The following B4GALNT4 variants were observed in gnomAD, a reference collection of about 807,000 sequenced individuals.
B4GALNT4 encodes the protein beta-1,4-N-acetyl-galactosaminyltransferase 4.
In B4GALNT4, 77 loss-of-function variants were observed where a neutral mutation model predicts 110.0. That is an observed-to-expected ratio of 0.70 (90% CI 0.58 to 0.85). The LOEUF (loss-of-function observed/expected upper bound fraction) is 0.85. B4GALNT4 is among the 40% of genes least tolerant of loss of function. B4GALNT4 has a pLI of 0.00. For synonymous variants in B4GALNT4, 785 were observed against 655.5 expected, an observed-to-expected ratio of 1.20 and a Z score of -3.02; for missense variants, 1,575 against 1,506.0, an observed-to-expected ratio of 1.05 and a Z score of -0.76.
rs111923628 is a variant in B4GALNT4 at position 372,144 on chromosome 11, G to A, written c.187G>A (p.Gly63Arg). 1 of 1,549,858 alleles carries A rather than the reference G, an allele frequency of 6.5e-7. No homozygotes were observed. Among genetic ancestry groups the A allele is most frequent in the South Asian group, 1.2e-5 (1 of 84,032 alleles). Residue 63 changes from glycine (G) to arginine (R), a missense_variant, in exon 2 of 20, where the codon GGG (glycine) becomes AGG (arginine). Transcript: ENST00000329962. ...EKLTSETDGR[G>R]VHAAPSTQRA... ...GCTGACCAGTGAGACCGACGGCCGGGGGGTCCACGCTGCGCCATCCACACA... is the reference window on the plus strand; with the variant it reads ...GCTGACCAGTGAGACCGACGGCCGGAGGGTCCACGCTGCGCCATCCACACA...
chr11:370,270 G>GGCTGACGGTGGGCTCCTGGGGAAGTCTCT (rs1846594088), intron 1 of B4GALNT4, among the ~76,000 whole-genome samples: 1 of 152,108 alleles, frequency 6.6e-6, no homozygotes, highest in East Asian at 1.9e-4. Flanking sequence ...GGTAGTGAGG[G>GGCTGACGGTGGGCTCCTGGGGAAGTCTCT]GCTGACGGTG....
chr11:374,363 G>A (rs377156637), intron 8 of B4GALNT4, among the ~76,000 whole-genome samples: 16 of 151,476 alleles, frequency 1.1e-4, no homozygotes, highest in African/African-American at 9.7e-5. Context: ...GGGGGAAGGC[G>A]GAAGGGGTTA....
In B4GALNT4 at chr11:380,355, G is replaced by A. The variant is rs1213337475; in HGVS notation, c.2779G>A (p.Gly927Ser). ...CCACTTCCCACCCAACATCCTGGACGGCATCCGCAAGCACTGCGTGGAGGG... is the reference window on the plus strand; with the variant it reads ...CCACTTCCCACCCAACATCCTGGACAGCATCCGCAAGCACTGCGTGGAGGG... ...HIHFPPNILD[G>S]IRKHCVEGRL... The change falls in exon 18 of 20, where the codon GGC (glycine) becomes AGC (serine). Residue 927 changes from glycine to serine, a missense_variant. By Grantham distance (56) the Gly-to-Ser change is moderately conservative (BLOSUM62 0). Coordinates refer to ENST00000329962, the MANE Select transcript of B4GALNT4 (RefSeq NM_178537.5). 2 of 1,613,370 alleles carry A rather than the reference G, an allele frequency of 1.2e-6. No homozygotes were observed. Among genetic ancestry groups the A allele is most frequent in the Admixed American group, 1.7e-5 (1 of 60,012 alleles).
chr11:378,584 C>T (rs902037878), intron 14 of B4GALNT4, among the ~76,000 whole-genome samples: 2 of 152,160 alleles, frequency 1.3e-5, no homozygotes, highest in Non-Finnish European at 2.9e-5. Context: ...TCAGCTGTCA[C>T]ACAGGTGGGC....
Position 380,851 on chromosome 11 carries a change from C to G in B4GALNT4, c.2896C>G (p.Leu966Val). 2 of 1,613,826 alleles carry G rather than the reference C, an allele frequency of 1.2e-6. No individual in the cohort carries two copies. The highest frequency in any genetic ancestry group is 1.7e-6 in the Non-Finnish European group (2 of 1,179,892). ...HGYWEVNGFG[L>V]FGIYKSDFDR... is the part of the protein sequence containing the mutation. ...TTACTGGGAGGTGAACGGCTTTGGC[C>G]TTTTTGGGATCTACAAGTCGGACTT... is the stretch of plus-strand genomic sequence containing the variant. The change falls in exon 19 of 20, where the codon CTT becomes GTT. Residue 966 changes from leucine to valine, a missense_variant. By Grantham distance (32) the Leu-to-Val change is conservative (BLOSUM62 1). Coordinates refer to ENST00000329962, the MANE Select transcript of B4GALNT4 (RefSeq NM_178537.5).
At chr11:379,755 C>G (rs1846833548) in intron 15 of B4GALNT4, 54 bp downstream of exon 15, 2 of 1,504,218 alleles carry the variant, frequency 1.3e-6, no homozygotes, top group Non-Finnish European at 1.8e-6. Context: ...GAACATGGAC[C>G]CTAATGACTA....
Position 373,066 on chromosome 11 carries a change from G to A in B4GALNT4, c.485G>A (p.Trp162Ter). ...AAGAAGTTGGCCGTGTCCCCCAAGT[G>A]GAAGAACTATGGACTCCGTATTTTT... The part of the protein sequence containing the change: ...TVKKLAVSPK[W>*]KNYGLRIFGF... The change falls in exon 5 of 20, where the codon TGG (tryptophan) becomes TAG (stop). Residue 162 changes from tryptophan (W) to a stop codon, truncating the protein, a stop_gained. Coordinates refer to ENST00000329962, the MANE Select transcript of B4GALNT4 (RefSeq NM_178537.5). LOFTEE classifies it high-confidence loss of function. 1 of 1,612,440 alleles carries A rather than the reference G, an allele frequency of 6.2e-7. No homozygotes were observed. Among genetic ancestry groups the A allele is most frequent in the Non-Finnish European group, 8.5e-7 (1 of 1,179,874 alleles).
chr11:380,520 G>A (rs1846853561), intron 18 of B4GALNT4, 75 bp downstream of exon 18: 66 of 1,521,854 alleles, frequency 4.3e-5, no homozygotes, highest in Non-Finnish European at 5.4e-5. Context: ...GGAACCCGGG[G>A]CCTCTCTCAA....
At position 372,216 on chromosome 11, in the gene B4GALNT4, A is replaced by G; in HGVS notation, c.255+4A>G. 6.5e-7 allele frequency: 1 copy of G among 1,549,962 alleles called. No homozygotes were observed. Among genetic ancestry groups the G allele is most frequent in the Non-Finnish European group, 8.7e-7 (1 of 1,146,656 alleles). The stretch of plus-strand genomic sequence containing the variant: ...GAGCCGTGAAGAGGAGCAAGCGGTG[A>G]GCAGAGCCCTGGGGAGAACACGTGT... On this transcript the variant is annotated splice_donor_region_variant and intron_variant, in intron 2 of 19. Transcript: ENST00000329962.
Position 376,063 on chromosome 11 carries a change from C to G in B4GALNT4, c.1096-11C>G, listed in dbSNP as rs897325407. On this transcript the variant is annotated splice_polypyrimidine_tract_variant and intron_variant, in intron 11 of 19. Coordinates refer to ENST00000329962, the MANE Select transcript of B4GALNT4 (RefSeq NM_178537.5). ...TCCGCGCCCTGAGCCCTGCGCCCCC[C>G]CACCCCCCAGGTGTACCTGTCCTTC... 2 of 1,603,628 alleles carry G rather than the reference C, an allele frequency of 1.2e-6. No homozygotes were observed. Among genetic ancestry groups the G allele is most frequent in the Middle Eastern group, 1.7e-4 (1 of 6,040 alleles).
At position 369,939 on chromosome 11, in the gene B4GALNT4, C is replaced by T; in HGVS notation, c.136C>T (p.Leu46=). 2 of 958,544 alleles carry T rather than the reference C, an allele frequency of 2.1e-6. No homozygotes were observed. Among genetic ancestry groups the T allele is most frequent in the Non-Finnish European group, 2.4e-6 (2 of 816,854 alleles). The allele number at this position is 958,544 out of a possible 1,614,324, so 59.4% of individuals were successfully genotyped here. Residue 46 remains leucine, a synonymous_variant, in exon 1 of 20, where the codon CTG becomes TTG. Coordinates refer to ENST00000329962, the MANE Select transcript of B4GALNT4 (RefSeq NM_178537.5). ...VRQGRALRQR[L]GYGRDGEKLT... ...CCAGGGACGCGCGCTGCGCCAGCGC[C>T]TGGGCTACGGGCGAGGTACGGCGCG...
At chr11:379,153 G>A (rs565761829) in intron 14 of B4GALNT4, among the ~76,000 whole-genome samples, 3 of 152,344 alleles carry the variant, frequency 2.0e-5, no homozygotes, top group East Asian at 3.9e-4. Context: ...CACCTGGGAC[G>A]TGAGTGGTGG....
Position 380,005 on chromosome 11 carries a change from C to A in B4GALNT4, c.2628C>A (p.Ala876=), listed in dbSNP as rs371839306. 4.3e-6 allele frequency: 7 copies of A among 1,612,548 alleles called. No individual in the cohort carries two copies. The highest frequency in any genetic ancestry group is 5.9e-6 in the Non-Finnish European group (7 of 1,179,512). ...TGGACGTGGAGCGGGCCCTGCGCGC[C>A]GCGCGCCTGCCCCGGTAACGACCCC... ...EDMDVERALR[A]ARLPRYQYLR... is the part of the protein sequence containing the mutation. The change falls in exon 16 of 20, where the codon GCC becomes GCA. Residue 876 remains alanine, a synonymous_variant. Transcript: ENST00000329962.
chr11:380,484 C>T (rs910459954), intron 18 of B4GALNT4, 39 bp downstream of exon 18: 2 of 1,549,484 alleles, frequency 1.3e-6, no homozygotes, highest in African/African-American at 1.4e-5. Flanking sequence ...TACCAGGGTT[C>T]CCACCAACCG....
In B4GALNT4 at chr11:376,568, C is replaced by T. The variant is rs1379831858; in HGVS notation, c.1445C>T (p.Pro482Leu). The T allele has an allele frequency of 6.6e-6, 9 of 1,356,526 alleles. No individual in the cohort carries two copies. In the South Asian group the frequency reaches 8.5e-5, roughly 13 times the overall value. 84.0% of individuals were successfully genotyped at this position (1,356,526 alleles called of 1,614,324 possible). A position where few individuals can be genotyped will look rare whatever the true frequency, so the allele number is the denominator to read the frequency against. ...ATLAPPTPPR[P>L]RDGGTPRHSR... ...CTCGCCCCGCCGACCCCTCCCCGCC[C>T]CCGGGACGGGGGGACCCCCAGGCAC... The change falls in exon 14 of 20, where the codon CCC becomes CTC. Residue 482 changes from proline to leucine, a missense_variant. Transcript: ENST00000329962.
chr11:380,285 C>T lies in B4GALNT4; in HGVS notation c.2716-7C>T. 6.2e-7 allele frequency: 1 copy of T among 1,612,494 alleles called. No homozygotes were observed. The highest frequency in any genetic ancestry group is 8.5e-7 in the Non-Finnish European group (1 of 1,179,328). On this transcript the variant is annotated splice_region_variant and splice_polypyrimidine_tract_variant and intron_variant, in intron 17 of 19. Coordinates refer to ENST00000329962, the MANE Select transcript of B4GALNT4 (RefSeq NM_178537.5). ...AGGGCGGGGCTCAGACCTCCCGCAC[C>T]CCCCAGGACGCCAGCAGCATCGTGT...
At chr11:377,879 C>T (rs1846792256) in intron 14 of B4GALNT4, among the ~76,000 whole-genome samples, 1 of 152,242 alleles carries the variant, frequency 6.6e-6, no homozygotes, top group Admixed American at 6.5e-5. Context: ...TGTCTGCCCT[C>T]CCTGCAGGCT....
intron 14 of B4GALNT4, among the ~76,000 whole-genome samples, chr11:378,682 C>G (rs1846809294): frequency 6.6e-6 from 1 of 152,148 alleles, no homozygotes; most frequent in Admixed American, 6.5e-5. Flanking sequence ...CCTGTTTTCT[C>G]CAGATGAGGA....
At position 379,920 on chromosome 11, in the gene B4GALNT4, A is replaced by G. The variant is rs750284296; in HGVS notation, c.2543A>G (p.His848Arg). 142 of 1,609,784 alleles carry G rather than the reference A, an allele frequency of 8.8e-5. No homozygotes were observed. The highest frequency in any genetic ancestry group is 1.2e-4 in the Non-Finnish European group (140 of 1,179,450). ...TTCCTGGCGGACATGGCTGCGCTGC[A>G]CGCGCGCACCGGGGACTCGCGTTTC... ...AQFLADMAAL[H>R]ARTGDSRFSV... is the part of the protein sequence containing the mutation. Residue 848 changes from histidine (H) to arginine (R), a missense_variant, in exon 16 of 20, where the codon CAC (histidine) becomes CGC (arginine). Physicochemically the swap from His to Arg is conservative, Grantham distance 29. Transcript: ENST00000329962.
Sources: gnomAD v4.1 joint callset for allele counts (sites outside exome capture counted in the v4.1 genomes callset) on GRCh38, gnomAD v4.1.1 for gene constraint, MANE v1.5 for transcripts, NCBI Gene and HGNC (gene_info 2026-07-23, HGNC 2026-07-21) for gene names.